OCA2: variants seen among roughly 807,000 people sequenced by gnomAD.
OCA2 encodes the protein P protein.
Under a neutral mutation model 100.2 loss-of-function variants are expected in OCA2, and 77 were observed. The ratio of observed to expected loss-of-function variants is 0.77; its 90% CI spans 0.64 to 0.93. OCA2 has a LOEUF of 0.93. OCA2 is among the 40% of genes least tolerant of loss of function. The probability of loss-of-function intolerance (pLI) is 0.00; values close to 1 mark genes in which losing one functional copy is unlikely to be tolerated. For missense variants in OCA2, 1,062 were observed against 1,089.1 expected (o/e 0.98, Z 0.35); for synonymous variants, 432 against 439.2 (o/e 0.98, Z 0.21).
intron 19 of OCA2, among the ~76,000 whole-genome samples, chr15:27,924,947 C>T (rs769827195): frequency 1.3e-5 from 2 of 151,984 alleles, no homozygotes; most frequent in African/African-American, 4.8e-5. Flanking sequence ...AGTGGCTATA[C>T]CAGTATCAGG....
At chr15:28,024,774 T>C (rs1203546991) in intron 5 of OCA2, 71 bp downstream of exon 5, 1 of 1,521,320 alleles carries the variant, frequency 6.6e-7, no homozygotes, top group Non-Finnish European at 9.1e-7. Flanking sequence ...AGGTTCCCCC[T>C]GCTATACAGC....
chr15:28,038,128 C>T (rs750665405), intron 2 of OCA2, among the ~76,000 whole-genome samples: 18 of 152,170 alleles, frequency 1.2e-4, no homozygotes, highest in Non-Finnish European at 2.1e-4. Context: ...CTCTTGTTTG[C>T]GGCCTGTTTT....
At chr15:28,015,057 G>A in intron 8 of OCA2, 128 bp from the exon 9 acceptor site, 1 of 986,306 alleles carries the variant, frequency 1.0e-6, no homozygotes, top group Non-Finnish European at 1.6e-6. Context: ...CTCACAGCTG[G>A]AAGAGCAGTG....
At chr15:28,033,301 G>C (rs898872413) in intron 2 of OCA2, among the ~76,000 whole-genome samples, 2 of 152,216 alleles carry the variant, frequency 1.3e-5, no homozygotes, top group African/African-American at 4.8e-5. Flanking sequence ...TCCCAGGCCA[G>C]GTAGAGATGC....
At chr15:28,024,957 A>G in intron 4 of OCA2, 55 bp from the exon 5 acceptor site, 1 of 1,533,468 alleles carries the variant, frequency 6.5e-7, no homozygotes, top group Non-Finnish European at 9.0e-7. Context: ...TGTTGCCCAG[A>G]CTCAGACACT....
At chr15:27,913,916 CAAGCAAGCAAGCAAGAAAGA>C (rs2038559724) in intron 19 of OCA2, among the ~76,000 whole-genome samples, 2 of 57,522 alleles carry the variant, frequency 3.5e-5, no homozygotes, top group African/African-American at 7.6e-5. Flanking sequence ...AGCAAGCAAG[CAAGCAAGCAAGCAAGAAAGA>C]AAGAAAAAAA....
intron 2 of OCA2, among the ~76,000 whole-genome samples, chr15:28,048,808 C>T (rs1298126536): frequency 6.6e-6 from 1 of 152,124 alleles, no homozygotes; most frequent in Non-Finnish European, 1.5e-5. Context: ...GAGTTTGAGA[C>T]CAGCCTGGGC....
At chr15:28,078,604 A>G (rs1055930641) in intron 2 of OCA2, among the ~76,000 whole-genome samples, 1 of 152,178 alleles carries the variant, frequency 6.6e-6, no homozygotes, top group Non-Finnish European at 1.5e-5. Context: ...GCCAACAACC[A>G]CACAGATGAG....
intron 15 of OCA2, among the ~76,000 whole-genome samples, chr15:27,964,368 G>A (rs1237684940): frequency 6.6e-6 from 1 of 152,216 alleles, no homozygotes; most frequent in African/African-American, 2.4e-5. Context: ...TGATCAGAGG[G>A]ATAGGCTCTG....
chr15:27,948,518 C>G (rs767987775), intron 18 of OCA2, among the ~76,000 whole-genome samples: 15 of 152,028 alleles, frequency 9.9e-5, no homozygotes, highest in Non-Finnish European at 2.2e-4. Flanking sequence ...CGAGGCTGAG[C>G]CCAGTGGTGC....
intron 23 of OCA2, among the ~76,000 whole-genome samples, chr15:27,826,932 C>T (rs2034748132): frequency 6.6e-6 from 1 of 152,238 alleles, no homozygotes; most frequent in Non-Finnish European, 1.5e-5. Flanking sequence ...TAACATCCTA[C>T]AGGAGAACTC....
intron 19 of OCA2, among the ~76,000 whole-genome samples, chr15:27,893,973 TA>T (rs2037577616): frequency 6.6e-6 from 1 of 152,158 alleles, no homozygotes; most frequent in African/African-American, 2.4e-5. Flanking sequence ...TCTTTGTACT[TA>T]CTCTCTGTTC....
intron 21 of OCA2, among the ~76,000 whole-genome samples, chr15:27,854,576 G>C (rs887711904): frequency 1.3e-5 from 2 of 152,202 alleles, no homozygotes; most frequent in African/African-American, 4.8e-5. Context: ...CCTGGCAGCA[G>C]GGTGCTCCCA....
intron 15 of OCA2, among the ~76,000 whole-genome samples, chr15:27,961,118 C>CAAAATTGA: frequency 6.6e-6 from 1 of 151,848 alleles, no homozygotes; most frequent in South Asian, 2.1e-4. Flanking sequence ...AAAAAACAAC[C>CAAAATTGA]CCATCAAAAA....
chr15:27,987,193 C>T (rs763418179), intron 11 of OCA2, among the ~76,000 whole-genome samples: 13 of 152,150 alleles, frequency 8.5e-5, no homozygotes, highest in Admixed American at 3.3e-4. Flanking sequence ...ACCCAGAATG[C>T]CTATCACCTG....
chr15:27,912,308 T>C (rs2038427860), intron 19 of OCA2, among the ~76,000 whole-genome samples: 2 of 152,108 alleles, frequency 1.3e-5, no homozygotes, highest in Non-Finnish European at 2.9e-5. Context: ...TAAACACCAT[T>C]CCCCAATACA....
intron 23 of OCA2, among the ~76,000 whole-genome samples, chr15:27,778,137 A>T (rs756302506): frequency 4.6e-5 from 7 of 152,220 alleles, no homozygotes; most frequent in Non-Finnish European, 8.8e-5. Context: ...ACTCAGGCAG[A>T]CCATGATTAC....
chr15:27,862,832 C>T (rs2036186665), intron 21 of OCA2, among the ~76,000 whole-genome samples: 1 of 152,204 alleles, frequency 6.6e-6, no homozygotes, highest in Admixed American at 6.5e-5. Context: ...CAATAGTCCC[C>T]AAGGACATAG....
chr15:27,860,515 A>G (rs1199266643), intron 21 of OCA2, among the ~76,000 whole-genome samples: 2 of 152,172 alleles, frequency 1.3e-5, no homozygotes, highest in Non-Finnish European at 2.9e-5. Context: ...TATGTACCCA[A>G]TATTTAGCTG....
Sources: gnomAD v4.1 joint callset for allele counts (sites outside exome capture counted in the v4.1 genomes callset) on GRCh38, gnomAD v4.1.1 for gene constraint, MANE v1.5 for transcripts, NCBI Gene and HGNC (gene_info 2026-07-23, HGNC 2026-07-21) for gene names.